The following ARHGAP6 variants were observed in gnomAD, a reference collection of about 807,000 sequenced individuals.
ARHGAP6 encodes the protein Rho GTPase activating protein 6, also known as rho GTPase-activating protein 6.
Under a neutral mutation model 55.7 loss-of-function variants are expected in ARHGAP6, and 16 were observed. That is an observed-to-expected ratio of 0.29 (90% CI 0.19 to 0.44). The LOEUF (loss-of-function observed/expected upper bound fraction) is 0.44, where lower values mean the gene tolerates loss of function less well. Among genes scored for constraint, ARHGAP6 ranks in the 20% least tolerant of loss-of-function variants. The probability of loss-of-function intolerance (pLI) is 1.00; values close to 1 mark genes in which losing one functional copy is unlikely to be tolerated. For missense variants in ARHGAP6, 698 were observed against 808.9 expected (o/e 0.86, Z 1.66); for synonymous variants, 382 against 360.9 (o/e 1.06, Z -0.66).
chrX:11,428,470 T>C (rs1420033808), intron 1 of ARHGAP6, among the ~76,000 whole-genome samples: 1 of 111,691 alleles, frequency 9.0e-6, no homozygotes, highest in Non-Finnish European at 1.9e-5. Flanking sequence ...GATCAGCGAG[T>C]TCCCTCCACA....
chrX:11,265,418 A>C (rs2047610146), intron 1 of ARHGAP6, among the ~76,000 whole-genome samples: 1 of 112,222 alleles, frequency 8.9e-6, no homozygotes, highest in Admixed American at 9.5e-5. Flanking sequence ...TCTTTTACAG[A>C]AATTAGCTCA....
intron 1 of ARHGAP6, among the ~76,000 whole-genome samples, chrX:11,619,997 A>T (rs2052210005): frequency 8.9e-6 from 1 of 112,191 alleles, no homozygotes; most frequent in Non-Finnish European, 1.9e-5. Context: ...CTGACTTTGT[A>T]GGACAATCTC....
intron 1 of ARHGAP6, among the ~76,000 whole-genome samples, chrX:11,619,198 T>C (rs766481824): frequency 8.9e-6 from 1 of 112,173 alleles, no homozygotes; most frequent in East Asian, 2.8e-4. Context: ...TAAAATTGAT[T>C]ATCTTTTGGG....
chrX:11,479,835 G>T (rs57021661), intron 1 of ARHGAP6, among the ~76,000 whole-genome samples: 8,533 of 110,721 alleles, frequency 0.077, 395 homozygotes, highest in East Asian at 0.18. Context: ...GGGGTCGGGG[G>T]TATACCGTGG....
intron 3 of ARHGAP6, among the ~76,000 whole-genome samples, chrX:11,193,930 C>T (rs2046497517): frequency 8.9e-6 from 1 of 112,747 alleles, no homozygotes; most frequent in Admixed American, 9.4e-5. Flanking sequence ...CAAAAATGCT[C>T]ATTCTGCTTA....
intron 1 of ARHGAP6, among the ~76,000 whole-genome samples, chrX:11,352,082 G>T (rs894590619): frequency 1.8e-5 from 2 of 112,511 alleles, no homozygotes; most frequent in African/African-American, 6.5e-5. Context: ...TTATACCTCA[G>T]TAACACCATG....
rs762845049 is a variant in ARHGAP6 at position 11,590,866 on chromosome X, G to GAAAAGAAAAGAA, written c.588+73374_588+73375insTTCTTTTCTTTT. Among the ~76,000 whole-genome samples the GAAAAGAAAAGAA allele has an allele frequency of 1.1e-4, 5 of 46,199 alleles. 1 individual carries two copies. The highest frequency in any genetic ancestry group is 1.6e-4 in the Non-Finnish European group (4 of 25,498). 40.1% of individuals were successfully genotyped at this position (46,199 alleles called of 115,157 possible). A position where few individuals can be genotyped will look rare whatever the true frequency, so the allele number is the denominator to read the frequency against. On this transcript the variant is annotated intron_variant, in intron 1 of 12. Transcript: ENST00000337414. ...GAAAAGAAAAGAAAAGAAAAGAAAA[G>GAAAAGAAAAGAA]AAGGAAAGAAAGAAAGAAAGAAAGA...
chrX:11,223,225 C>A, intron 2 of ARHGAP6: 1 of 157,236 alleles, frequency 6.4e-6, no homozygotes, highest in South Asian at 1.3e-4. Flanking sequence ...TGCAACGAAA[C>A]AAACAACAAA....
At chrX:11,363,491 T>C (rs929265346) in intron 1 of ARHGAP6, among the ~76,000 whole-genome samples, 1 of 112,092 alleles carries the variant, frequency 8.9e-6, no homozygotes, top group African/African-American at 3.2e-5. Context: ...TGAGGTGGTC[T>C]GCGCGGTCTG....
intron 2 of ARHGAP6, among the ~76,000 whole-genome samples, chrX:11,212,331 G>C (rs2046816381): frequency 1.8e-5 from 2 of 111,650 alleles, no homozygotes; most frequent in Non-Finnish European, 3.8e-5. Flanking sequence ...TTTCTAATTG[G>C]GGAGAAGTTT....
Position 11,188,069 on chromosome X carries a change from T to C in ARHGAP6, c.1077+659A>G, listed in dbSNP as rs79619589. On this transcript the variant is annotated intron_variant, in intron 4 of 12. Coordinates refer to ENST00000337414, the MANE Select transcript of ARHGAP6 (RefSeq NM_013427.3). ...ATAAAAATAAAATGCAGATTTGTTTTACAAAAGGGAGAGAAGATCTTCCAG... is the reference window on the plus strand; with the variant it reads ...ATAAAAATAAAATGCAGATTTGTTTCACAAAAGGGAGAGAAGATCTTCCAG... Among the ~76,000 whole-genome samples the C allele has an allele frequency of 3.6e-5, 4 of 111,228 alleles. No individual in the cohort carries two copies. The Admixed American group carries it at 3.8e-4, about 11-fold the overall frequency.
rs776871820 is a variant in ARHGAP6, at chrX:11,664,699, C to G, written c.130G>C (p.Gly44Arg). Residue 44 changes from glycine (G) to arginine (R), a missense_variant, in exon 1 of 13, where the codon GGC becomes CGC. By Grantham distance (125) the Gly-to-Arg change is moderately radical (BLOSUM62 -2). Around this residue, in one of 3 missense-constraint regions of ARHGAP6, gnomAD observed 164 missense variants for 149.2 expected, o/e 1.10. Transcript: ENST00000337414. ...CCCGCCTCGTCGCTCCCGCAGCCGC[C>G]GATCAGGGCCGGGTCCAGGCTGCGG... Reference protein sequence around the residue: ...QTRSLDPALIGGCGSDEAGAE... With the variant: ...QTRSLDPALIRGCGSDEAGAE... 2.7e-5 allele frequency: 32 copies of G among 1,179,452 alleles called. No homozygotes were observed. The highest frequency in any genetic ancestry group is 3.7e-5 in the South Asian group (2 of 53,541).
At chrX:11,359,019 T>C (rs1033951535) in intron 1 of ARHGAP6, among the ~76,000 whole-genome samples, 2 of 112,345 alleles carry the variant, frequency 1.8e-5, no homozygotes, top group African/African-American at 6.5e-5. Context: ...TTCAGCTTGA[T>C]TTAGAAGAAT....
intron 1 of ARHGAP6, among the ~76,000 whole-genome samples, chrX:11,570,718 AT>A (rs1222639551): frequency 9.0e-6 from 1 of 111,636 alleles, no homozygotes; most frequent in Non-Finnish European, 1.9e-5. Context: ...AAGATTCAGT[AT>A]TACTTTGGTG....
intron 1 of ARHGAP6, among the ~76,000 whole-genome samples, chrX:11,538,291 G>A (rs1416300804): frequency 8.9e-6 from 1 of 112,126 alleles, no homozygotes; most frequent in East Asian, 2.8e-4. Context: ...TCTAATCTGA[G>A]ACATCTGAAA....
intron 1 of ARHGAP6, among the ~76,000 whole-genome samples, chrX:11,542,947 T>C (rs1366187593): frequency 9.0e-6 from 1 of 111,319 alleles, no homozygotes; most frequent in African/African-American, 3.3e-5. Flanking sequence ...TTAATCTACA[T>C]AGCAACCACC....
intron 1 of ARHGAP6, among the ~76,000 whole-genome samples, chrX:11,558,481 G>A (rs1254693603): frequency 9.0e-6 from 1 of 111,295 alleles, no homozygotes; most frequent in East Asian, 2.8e-4. Flanking sequence ...AGGCTGCAAA[G>A]GATCATGAAG....
intron 1 of ARHGAP6, among the ~76,000 whole-genome samples, chrX:11,434,005 G>C (rs934774753): frequency 9.0e-6 from 1 of 111,493 alleles, no homozygotes; most frequent in African/African-American, 3.3e-5. Context: ...ACACCTCCTA[G>C]GCCAGTGATT....
intron 2 of ARHGAP6, among the ~76,000 whole-genome samples, chrX:11,219,922 G>A (rs1161272443): frequency 1.0e-5 from 1 of 99,729 alleles, no homozygotes; most frequent in African/African-American, 3.7e-5. Flanking sequence ...TTTGGCTTTT[G>A]TTGCCATTGC....
Sources: allele counts gnomAD v4.1 joint callset (sites outside exome capture counted in the v4.1 genomes callset), GRCh38; gene constraint gnomAD v4.1.1; regional missense constraint gnomAD v4.1.1; transcripts MANE v1.5; gene names NCBI Gene and HGNC (gene_info 2026-07-23, HGNC 2026-07-21).